KCNH8: variants seen among roughly 807,000 people sequenced by gnomAD.
KCNH8 encodes the protein voltage-gated delayed rectifier potassium channel KCNH8.
Under a neutral mutation model 103.6 loss-of-function variants are expected in KCNH8, and 70 were observed. That is an observed-to-expected ratio of 0.68 (90% CI 0.56 to 0.82). The LOEUF (loss-of-function observed/expected upper bound fraction) is 0.82. Among genes scored for constraint, KCNH8 ranks in the 40% least tolerant of loss-of-function variants. The probability of loss-of-function intolerance (pLI) is 0.00; values close to 1 mark genes in which losing one functional copy is unlikely to be tolerated. For synonymous variants in KCNH8, 498 were observed against 489.4 expected (o/e 1.02, Z -0.23); for missense variants, 1,217 against 1,329.9 (o/e 0.92, Z 1.32).
intron 2 of KCNH8, among the ~76,000 whole-genome samples, chr3:19,273,374 T>C (rs1321721096): frequency 6.6e-6 from 1 of 152,198 alleles, no homozygotes; most frequent in African/African-American, 2.4e-5. Context: ...GTAGCAATCA[T>C]GAAACCAAAC....
chr3:19,493,463 C>T (rs1212751064), intron 11 of KCNH8, among the ~76,000 whole-genome samples: 3 of 152,122 alleles, frequency 2.0e-5, no homozygotes, highest in African/African-American at 4.8e-5. Flanking sequence ...TTCCTGTGCT[C>T]TCACACACTT....
chr3:19,298,200 T>C (rs902450571), intron 3 of KCNH8, among the ~76,000 whole-genome samples: 1 of 152,230 alleles, frequency 6.6e-6, no homozygotes, highest in East Asian at 1.9e-4. Flanking sequence ...GAATTTTACA[T>C]TGAAAACCTT....
intron 3 of KCNH8, among the ~76,000 whole-genome samples, chr3:19,298,977 A>G (rs1319980647): frequency 6.6e-6 from 1 of 151,412 alleles, no homozygotes; most frequent in African/African-American, 2.4e-5. Flanking sequence ...TAAAAAAGTT[A>G]TAAATAAGAG....
intron 1 of KCNH8, among the ~76,000 whole-genome samples, chr3:19,198,478 C>T (rs756907191): frequency 5.3e-5 from 8 of 151,758 alleles, no homozygotes; most frequent in Non-Finnish European, 8.8e-5. Context: ...TCCATCCTGC[C>T]GTTTAAAAAA....
chr3:19,197,247 A>G (rs1411640700), intron 1 of KCNH8, among the ~76,000 whole-genome samples: 3 of 152,134 alleles, frequency 2.0e-5, no homozygotes, highest in East Asian at 3.9e-4. Context: ...TTTGCCCTCT[A>G]TACCCTCCAA....
Position 19,249,035 on chromosome 3 carries a change from A to T in KCNH8, c.77-4619A>T. On this transcript the variant is annotated intron_variant, in intron 1 of 15. Coordinates refer to ENST00000328405, the MANE Select transcript of KCNH8 (RefSeq NM_144633.3). ...ACTGTTTACTCTCACTTTCAAACTG[A>T]ATATATATATAAAAATTACCTAGAA... Among the ~76,000 whole-genome samples the T allele has an allele frequency of 1.3e-5, 2 of 152,274 alleles. 1 individual carries two copies. The highest frequency in any genetic ancestry group is 6.8e-3 in the Middle Eastern group (2 of 294).
chr3:19,149,648 C>T (rs2063109833), intron 1 of KCNH8, among the ~76,000 whole-genome samples: 1 of 152,120 alleles, frequency 6.6e-6, no homozygotes, highest in Non-Finnish European at 1.5e-5. Flanking sequence ...GTGGATCTTC[C>T]TAGCTGGCTT....
chr3:19,278,282 T>C (rs2064703766), intron 2 of KCNH8, among the ~76,000 whole-genome samples: 1 of 152,032 alleles, frequency 6.6e-6, no homozygotes, highest in South Asian at 2.1e-4. Context: ...ATAATGCAGT[T>C]GGTATATGCT....
intron 7 of KCNH8, among the ~76,000 whole-genome samples, chr3:19,430,417 T>A (rs2067103270): frequency 6.6e-6 from 1 of 152,076 alleles, no homozygotes; most frequent in Non-Finnish European, 1.5e-5. Context: ...TTTGTTTTTT[T>A]TTGTTTTTGT....
intron 1 of KCNH8, among the ~76,000 whole-genome samples, chr3:19,234,715 C>T (rs924993485): frequency 6.6e-6 from 1 of 152,256 alleles, no homozygotes; most frequent in African/African-American, 2.4e-5. Flanking sequence ...GGCTGAAGGG[C>T]TCCTCAAGTG....
intron 11 of KCNH8, among the ~76,000 whole-genome samples, chr3:19,507,283 G>C: frequency 6.6e-6 from 1 of 152,262 alleles, no homozygotes; most frequent in Middle Eastern, 3.4e-3. Context: ...TGGCAATGAC[G>C]GAGAGGCTGT....
intron 11 of KCNH8, among the ~76,000 whole-genome samples, chr3:19,483,874 TTC>T (rs1325904831): frequency 6.6e-6 from 1 of 151,804 alleles, no homozygotes; most frequent in African/African-American, 2.4e-5. Context: ...GGCCATTTTT[TTC>T]TTTTTTGAAG....
At chr3:19,185,083 A>G (rs2063489698) in intron 1 of KCNH8, among the ~76,000 whole-genome samples, 1 of 150,736 alleles carries the variant, frequency 6.6e-6, no homozygotes, top group Admixed American at 6.6e-5. Flanking sequence ...TAATACTGCT[A>G]TGAACATTTT....
intron 3 of KCNH8, among the ~76,000 whole-genome samples, chr3:19,333,825 C>G (rs1354987419): frequency 6.6e-6 from 1 of 151,968 alleles, no homozygotes; most frequent in African/African-American, 2.4e-5. Context: ...TAAACAACAC[C>G]CTTCATCAAT....
intron 5 of KCNH8, among the ~76,000 whole-genome samples, chr3:19,361,809 A>G: frequency 6.6e-6 from 1 of 152,080 alleles, no homozygotes; most frequent in East Asian, 1.9e-4. Flanking sequence ...CAAATACCCA[A>G]ATTTTTCTAT....
At position 19,306,986 on chromosome 3, in the gene KCNH8, G is replaced by A. The variant is rs556488689; in HGVS notation, c.442+25657G>A. On this transcript the variant is annotated intron_variant, in intron 3 of 15. Transcript: ENST00000328405. ...CCTCAAAGTATACTAAAAAGCTATAGTAACCACAACAGCATGGTACTGGCA... is the reference window on the plus strand; with the variant it reads ...CCTCAAAGTATACTAAAAAGCTATAATAACCACAACAGCATGGTACTGGCA... 1.4e-3 allele frequency among the ~76,000 whole-genome samples: 207 copies of A among 152,016 alleles called. 1 individual carries two copies. The highest frequency in any genetic ancestry group is 4.8e-3 in the African/African-American group (199 of 41,520).
intron 1 of KCNH8, among the ~76,000 whole-genome samples, chr3:19,149,246 T>A (rs2063105074): frequency 6.6e-6 from 1 of 152,158 alleles, no homozygotes; most frequent in South Asian, 2.1e-4. Context: ...TATGATTTTC[T>A]ATCTGAGTTT....
intron 3 of KCNH8, among the ~76,000 whole-genome samples, chr3:19,287,885 C>T (rs567662659): frequency 2.8e-4 from 42 of 152,188 alleles, no homozygotes; most frequent in African/African-American, 1.0e-3. Context: ...TGCCCAGCCC[C>T]ACATTCGACT....
chr3:19,498,536 G>T (rs544398083), intron 11 of KCNH8, among the ~76,000 whole-genome samples: 2 of 152,220 alleles, frequency 1.3e-5, no homozygotes, highest in Non-Finnish European at 2.9e-5. Flanking sequence ...ATTCTTGGTG[G>T]AAAATTATTT....
Sources: gnomAD v4.1 joint callset for allele counts (sites outside exome capture counted in the v4.1 genomes callset) on GRCh38, gnomAD v4.1.1 for gene constraint, MANE v1.5 for transcripts, NCBI Gene and HGNC (gene_info 2026-07-23, HGNC 2026-07-21) for gene names.